Variants in PDE10A observed in about 807,000 individuals in gnomAD.
PDE10A encodes the protein cAMP and cAMP-inhibited cGMP 3',5'-cyclic phosphodiesterase 10A.
A neutral mutation model predicts 97.7 loss-of-function variants in PDE10A; 39 were observed. The observed-to-expected ratio is 0.40, with a 90% CI of 0.31 to 0.52. The LOEUF (loss-of-function observed/expected upper bound fraction) is 0.52, where lower values mean the gene tolerates loss of function less well. Among genes scored for constraint, PDE10A ranks in the 20% least tolerant of loss-of-function variants. The pLI is 0.56. For synonymous variants in PDE10A, 371 were observed against 376.8 expected (o/e 0.98, Z 0.18); for missense variants, 731 against 1,047.8 (o/e 0.70, Z 4.17).
At chr6:165,920,904 C>G (rs1782735325) in intron 1 of PDE10A, among the ~76,000 whole-genome samples, 1 of 152,182 alleles carries the variant, frequency 6.6e-6, no homozygotes, top group Admixed American at 6.5e-5. Flanking sequence ...ATTCTTATGA[C>G]ACAAATAGCA....
At chr6:165,914,665 C>T (rs1204456072) in intron 1 of PDE10A, among the ~76,000 whole-genome samples, 2 of 152,208 alleles carry the variant, frequency 1.3e-5, no homozygotes, top group Non-Finnish European at 2.9e-5. Flanking sequence ...TCGGGCAGTT[C>T]TTCCTTTCCC....
chr6:165,594,596 AATC>A (rs1462286237), intron 1 of PDE10A, among the ~76,000 whole-genome samples: 1 of 152,204 alleles, frequency 6.6e-6, no homozygotes, highest in East Asian at 1.9e-4. Flanking sequence ...TTCATTCAAA[AATC>A]ATCATTTTAT....
At chr6:165,911,430 C>T (rs887917800) in intron 1 of PDE10A, among the ~76,000 whole-genome samples, 24 of 152,240 alleles carry the variant, frequency 1.6e-4, no homozygotes, top group Non-Finnish European at 2.9e-4. Flanking sequence ...AGAATTCCCC[C>T]GAACAAACTA....
rs185843120 is a variant in PDE10A, at chr6:165,826,057, A to G, written c.-615+161472T>C. 1.3e-4 allele frequency among the ~76,000 whole-genome samples: 20 copies of G among 152,282 alleles called. 1 individual carries two copies. Among genetic ancestry groups the G allele is most frequent in the Admixed American group, 1.3e-3 (20 of 15,300 alleles). ...GTGACCTCAGTTCCAGTTCTTTATCACGCCAGGATGGCAGAACAGCTTTCT... is the reference window on the plus strand; with the variant it reads ...GTGACCTCAGTTCCAGTTCTTTATCGCGCCAGGATGGCAGAACAGCTTTCT... On this transcript the variant is annotated intron_variant, in intron 1 of 19. Transcript: ENST00000366882.
At chr6:165,900,839 G>A (rs1782083693) in intron 1 of PDE10A, among the ~76,000 whole-genome samples, 2 of 152,188 alleles carry the variant, frequency 1.3e-5, no homozygotes, top group African/African-American at 2.4e-5. Context: ...GCATGCCACT[G>A]TGACAATTAC....
intron 1 of PDE10A, among the ~76,000 whole-genome samples, chr6:165,841,451 G>A (rs1031696951): frequency 6.6e-5 from 10 of 152,240 alleles, no homozygotes; most frequent in African/African-American, 2.4e-4. Context: ...GCATGCAGCC[G>A]CCTCCTTCGC....
chr6:165,350,491 T>G (rs113782592), intron 18 of PDE10A, among the ~76,000 whole-genome samples: 1 of 152,158 alleles, frequency 6.6e-6, no homozygotes, highest in South Asian at 2.1e-4. Context: ...GGGACTTGTA[T>G]CAGATGAGAC....
chr6:165,611,901 T>C (rs527819129), intron 1 of PDE10A, among the ~76,000 whole-genome samples: 2 of 152,380 alleles, frequency 1.3e-5, no homozygotes, highest in East Asian at 3.8e-4. Flanking sequence ...CTGTCATCAG[T>C]AATAACCTCA....
At chr6:165,707,484 G>A (rs1361546691) in intron 1 of PDE10A, among the ~76,000 whole-genome samples, 4 of 152,184 alleles carry the variant, frequency 2.6e-5, no homozygotes, top group South Asian at 2.1e-4. Flanking sequence ...ACTGAATTTT[G>A]GTTAACTTAA....
At chr6:165,646,446 T>C (rs1375089401) in intron 1 of PDE10A, among the ~76,000 whole-genome samples, 2 of 152,236 alleles carry the variant, frequency 1.3e-5, no homozygotes, top group Non-Finnish European at 1.5e-5. Flanking sequence ...CTGACATTTG[T>C]TGAACATCCA....
At chr6:165,770,815 C>G (rs1777986323) in intron 1 of PDE10A, among the ~76,000 whole-genome samples, 2 of 152,210 alleles carry the variant, frequency 1.3e-5, no homozygotes, top group Admixed American at 1.3e-4. Context: ...ACTTCACCTA[C>G]AAGAGAAAAG....
At chr6:165,497,245 TTATA>T (rs894768718) in intron 2 of PDE10A, among the ~76,000 whole-genome samples, 5 of 152,186 alleles carry the variant, frequency 3.3e-5, no homozygotes, top group African/African-American at 1.2e-4. Context: ...TTGTACTTAA[TTATA>T]TATAAACAGA....
intron 1 of PDE10A, among the ~76,000 whole-genome samples, chr6:165,931,700 A>G (rs555666370): frequency 3.3e-5 from 5 of 152,300 alleles, no homozygotes; most frequent in Admixed American, 3.3e-4. Flanking sequence ...GCCAAGGTCT[A>G]TGTGGAAAAG....
chr6:165,695,197 G>C (rs1226839869), intron 1 of PDE10A, among the ~76,000 whole-genome samples: 2 of 145,276 alleles, frequency 1.4e-5, no homozygotes, highest in African/African-American at 2.5e-5. Context: ...CAGTGAGCCT[G>C]GTGAAAACTA....
intron 1 of PDE10A, among the ~76,000 whole-genome samples, chr6:165,848,555 C>T (rs546092412): frequency 6.6e-6 from 1 of 152,238 alleles, no homozygotes; most frequent in Non-Finnish European, 1.5e-5. Flanking sequence ...AATAAACACA[C>T]CATGCGGGAA....
rs185521341 is a variant in PDE10A at position 165,872,048 on chromosome 6, G to A, written c.-615+115481C>T. Among the ~76,000 whole-genome samples the A allele has an allele frequency of 4.3e-4, 66 of 152,228 alleles. 1 individual carries two copies. In the Middle Eastern group the frequency reaches 0.027, roughly 63 times the overall value. The stretch of plus-strand genomic sequence containing the variant: ...GTTGCCTTGTTCTCATCAGGGACTC[G>A]CTGTGTTCAATTGGATGCATTTTTG... On this transcript the variant is annotated intron_variant, in intron 1 of 19. Coordinates refer to the PDE10A transcript ENST00000366882.
chr6:165,872,227 T>C (rs1481683229), intron 1 of PDE10A, among the ~76,000 whole-genome samples: 1 of 152,214 alleles, frequency 6.6e-6, no homozygotes, highest in Non-Finnish European at 1.5e-5. Context: ...GTAAGAAAGA[T>C]TCTACATCCC....
intron 1 of PDE10A, among the ~76,000 whole-genome samples, chr6:165,886,160 T>G (rs1470988922): frequency 7.9e-5 from 12 of 152,176 alleles, no homozygotes; most frequent in Admixed American, 7.9e-4. Flanking sequence ...ATAGCTGAAT[T>G]TATTAGGGAT....
rs537239255 is a variant in PDE10A, at chr6:165,885,504, T to C, written c.-615+102025A>G. 2.6e-5 allele frequency among the ~76,000 whole-genome samples: 4 copies of C among 152,194 alleles called. No homozygotes were observed. In the East Asian group the frequency reaches 5.8e-4, roughly 22 times the overall value. The stretch of plus-strand genomic sequence containing the variant: ...TGAGGATTAGAATTCAAGATGAGAT[T>C]TGGGTGGAGACACGGAGGCAAACCA... On this transcript the variant is annotated intron_variant, in intron 1 of 19. Transcript: ENST00000366882.
Sources: allele counts gnomAD v4.1 joint callset (sites outside exome capture counted in the v4.1 genomes callset), GRCh38; gene constraint gnomAD v4.1.1; transcripts MANE v1.5; gene names NCBI Gene and HGNC (gene_info 2026-07-23, HGNC 2026-07-21).